ABCC8: variants seen among roughly 807,000 people sequenced by gnomAD.
The protein encoded by ABCC8 is ATP binding cassette subfamily C member 8.
Under a neutral mutation model 188.0 loss-of-function variants are expected in ABCC8, and 137 were observed. That is an observed-to-expected ratio of 0.73 (90% CI 0.63 to 0.84). The LOEUF (loss-of-function observed/expected upper bound fraction) is 0.84. Among genes scored for constraint, ABCC8 ranks in the 40% least tolerant of loss-of-function variants. ABCC8 has a pLI of 0.00. For synonymous variants in ABCC8, 797 were observed against 846.5 expected, an observed-to-expected ratio of 0.94 and a Z score of 1.01; for missense variants, 1,750 against 2,072.7, an observed-to-expected ratio of 0.84 and a Z score of 3.02.
chr11:17,403,256 G>T (rs1202910618), intron 28 of ABCC8, among the ~76,000 whole-genome samples: 1 of 152,174 alleles, frequency 6.6e-6, no homozygotes, highest in Admixed American at 6.5e-5. Context: ...AAGGCCAGAG[G>T]TTTCCATGGC....
rs1436904419 is a variant in ABCC8 at position 17,439,813 on chromosome 11, C to T, written c.1630+2907G>A. 2.0e-5 allele frequency among the ~76,000 whole-genome samples: 3 copies of T among 152,270 alleles called. No individual in the cohort carries two copies. The South Asian group carries it at 6.2e-4, about 32-fold the overall frequency. On this transcript the variant is annotated intron_variant, in intron 10 of 38. Coordinates refer to ENST00000389817, the MANE Select transcript of ABCC8 (RefSeq NM_000352.6). ...GAGTCCTGGGCGGGCTCCTGCTTGG[C>T]TCCAGAGCCCCTTTTTTCCAGAGTC...
rs1350500143 is a variant in ABCC8, at chr11:17,427,808, T to G, written c.2116+59A>C. The G allele has an allele frequency of 6.3e-7, 1 of 1,598,254 alleles. No homozygotes were observed. Among genetic ancestry groups the G allele is most frequent in the African/African-American group, 1.3e-5 (1 of 74,742 alleles). The stretch of plus-strand genomic sequence containing the variant: ...ATAAATGCAGCTTTGTCTTTTTATC[T>G]CTATGTTATTCAGTGGGACATGGGG... On this transcript the variant is annotated intron_variant, in intron 15 of 38. Coordinates refer to ENST00000389817, the MANE Select transcript of ABCC8 (RefSeq NM_000352.6). The surrounding 1 kb of genome is among the most constrained non-coding windows in gnomAD (Gnocchi z 5.0).
At position 17,450,260 on chromosome 11, in the gene ABCC8, C is replaced by CTCTTTCTTTCTTTCTT. The variant is rs58452277; in HGVS notation, c.1177-1605_1177-1590dup. Among the ~76,000 whole-genome samples, 65 of 67,668 alleles carry CTCTTTCTTTCTTTCTT rather than the reference C, an allele frequency of 9.6e-4. 1 individual carries two copies. The highest frequency in any genetic ancestry group is 3.3e-3 in the East Asian group (11 of 3,348). 44.4% of individuals were successfully genotyped at this position (67,668 alleles called of 152,430 possible). A position where few individuals can be genotyped will look rare whatever the true frequency, so the allele number is the denominator to read the frequency against. On this transcript the variant is annotated intron_variant, in intron 7 of 38. Transcript: ENST00000389817. The stretch of plus-strand genomic sequence containing the variant: ...TTCTTTTCTTTTTCTTTCTTTCTTT[C>CTCTTTCTTTCTTTCTT]TCTTTCTTTCTTTCTTTCTTTCTTT...
intron 10 of ABCC8, among the ~76,000 whole-genome samples, chr11:17,435,259 C>T (rs1956036008): frequency 6.6e-6 from 1 of 152,068 alleles, no homozygotes; most frequent in Non-Finnish European, 1.5e-5. Flanking sequence ...GTCCTTTAAG[C>T]CAGCAACCCA....
intron 29 of ABCC8, among the ~76,000 whole-genome samples, chr11:17,398,843 T>A (rs1954077662): frequency 6.6e-6 from 1 of 152,082 alleles, no homozygotes; most frequent in Admixed American, 6.5e-5. Flanking sequence ...CACCACAAAC[T>A]CTCACCTGGA....
At chr11:17,425,241 G>T (rs1393487675) in intron 16 of ABCC8, among the ~76,000 whole-genome samples, 2 of 152,150 alleles carry the variant, frequency 1.3e-5, no homozygotes, top group African/African-American at 4.8e-5. Flanking sequence ...CTGATGGGAG[G>T]TGATGGGAAA....
At chr11:17,424,719 G>A (rs1400104565) in intron 16 of ABCC8, among the ~76,000 whole-genome samples, 1 of 152,218 alleles carries the variant, frequency 6.6e-6, no homozygotes, top group African/African-American at 2.4e-5. Context: ...GGAGAGCCCA[G>A]ATCCAGCCTG....
intron 10 of ABCC8, 75 bp downstream of exon 10, chr11:17,442,645 C>G: frequency 1.3e-6 from 2 of 1,481,594 alleles, no homozygotes; most frequent in South Asian, 1.1e-5. Context: ...TGCACCCCCT[C>G]TTACCCGAGC....
intron 18 of ABCC8, 52 bp from the exon 19 acceptor site, chr11:17,414,662 T>C: frequency 6.2e-7 from 1 of 1,610,446 alleles, no homozygotes; most frequent in Non-Finnish European, 8.5e-7. Flanking sequence ...CTCAGGGGCT[T>C]GTTCTCAGAG....
chr11:17,414,478 C>A, intron 19 of ABCC8, 34 bp downstream of exon 19: 1 of 1,613,474 alleles, frequency 6.2e-7, no homozygotes, highest in South Asian at 1.1e-5. Context: ...AGTTCCTCCC[C>A]TCCACATCCT....
chr11:17,421,808 C>G (rs1010462830), intron 16 of ABCC8, among the ~76,000 whole-genome samples: 11 of 152,202 alleles, frequency 7.2e-5, no homozygotes, highest in Non-Finnish European at 1.5e-4. Flanking sequence ...CACGTGGTCA[C>G]TGGAGGAATA....
At position 17,427,733 on chromosome 11, in the gene ABCC8, TA is replaced by T. The variant is rs1955646857; in HGVS notation, c.2116+133del. On this transcript the variant is annotated intron_variant, in intron 15 of 38. Coordinates refer to ENST00000389817, the MANE Select transcript of ABCC8 (RefSeq NM_000352.6). The surrounding 1 kb of genome is among the most constrained non-coding windows in gnomAD (Gnocchi z 5.0). ...CCTCTAGAATGTAGCCTTCCCCTTC[TA>T]TAATATACCCAGGGCATACACCAAG... 1 of 1,260,940 alleles carries T rather than the reference TA, an allele frequency of 7.9e-7. No individual in the cohort carries two copies. Among genetic ancestry groups the T allele is most frequent in the Non-Finnish European group, 1.1e-6 (1 of 914,328 alleles). The allele number at this position is 1,260,940 out of a possible 1,614,324, so 78.1% of individuals were successfully genotyped here. A position where few individuals can be genotyped will look rare whatever the true frequency, so the allele number is the denominator to read the frequency against.
intron 2 of ABCC8, among the ~76,000 whole-genome samples, chr11:17,473,929 C>A (rs900473561): frequency 2.6e-5 from 4 of 152,202 alleles, no homozygotes; most frequent in African/African-American, 9.7e-5. Flanking sequence ...GGGTTCCCAG[C>A]CTCAGCCTCC....
At chr11:17,394,998 G>C (rs911340613) in intron 36 of ABCC8, 174 bp downstream of exon 36, 3 of 779,430 alleles carry the variant, frequency 3.8e-6, no homozygotes, top group Non-Finnish European at 6.2e-6. Flanking sequence ...GTGTGACCTG[G>C]GGCAAGACAC....
intron 10 of ABCC8, among the ~76,000 whole-genome samples, chr11:17,435,117 C>T (rs1432517010): frequency 6.6e-6 from 1 of 152,134 alleles, no homozygotes; most frequent in South Asian, 2.1e-4. Context: ...AAAGCAGCTG[C>T]TCCAAGAACT....
At chr11:17,440,477 A>G (rs1412681171) in intron 10 of ABCC8, among the ~76,000 whole-genome samples, 1 of 152,068 alleles carries the variant, frequency 6.6e-6, no homozygotes, top group East Asian at 1.9e-4. Flanking sequence ...TCCCCTGTCT[A>G]TGGAGTGCTT....
intron 7 of ABCC8, among the ~76,000 whole-genome samples, chr11:17,451,562 G>A (rs892706871): frequency 6.6e-6 from 1 of 152,180 alleles, no homozygotes; most frequent in African/African-American, 2.4e-5. Flanking sequence ...CTATATCCTT[G>A]TCCTCTCGGT....
intron 16 of ABCC8, among the ~76,000 whole-genome samples, chr11:17,420,341 C>A (rs1955280058): frequency 6.6e-6 from 1 of 152,176 alleles, no homozygotes; most frequent in Non-Finnish European, 1.5e-5. Flanking sequence ...GGTGAAGTAA[C>A]CTGCTCAAGG....
chr11:17,475,363 G>A (rs907208600), intron 1 of ABCC8, among the ~76,000 whole-genome samples: 22 of 152,074 alleles, frequency 1.4e-4, no homozygotes, highest in Non-Finnish European at 2.6e-4. Flanking sequence ...GACTACAGGC[G>A]CACATCACCA....
Sources: allele counts gnomAD v4.1 joint callset (sites outside exome capture counted in the v4.1 genomes callset), GRCh38; gene constraint gnomAD v4.1.1; non-coding constraint Gnocchi (gnomAD v3.1); transcripts MANE v1.5; gene names NCBI Gene and HGNC (gene_info 2026-07-23, HGNC 2026-07-21).